THRAP3: variants seen among roughly 807,000 people sequenced by gnomAD.
THRAP3 encodes the protein thyroid hormone receptor-associated protein 3.
In THRAP3, 16 loss-of-function variants were observed where a neutral mutation model predicts 101.0. That is an observed-to-expected ratio of 0.16 (90% CI 0.11 to 0.24). THRAP3 has a LOEUF of 0.24. Among genes scored for constraint, THRAP3 ranks in the 10% least tolerant of loss-of-function variants. The pLI is 1.00. For missense variants in THRAP3, 989 were observed against 1,202.7 expected (o/e 0.82, Z 2.63); for synonymous variants, 407 against 422.6 (o/e 0.96, Z 0.45).
intron 4 of THRAP3, 77 bp downstream of exon 4, chr1:36,287,347 T>G: frequency 6.8e-7 from 1 of 1,459,928 alleles, no homozygotes; most frequent in Non-Finnish European, 9.1e-7. Context: ...TGATCTAAGT[T>G]AGAGCTCTGA....
At position 36,301,643 on chromosome 1, in the gene THRAP3, C is replaced by T. The variant is rs746386165; in HGVS notation, c.2593C>T (p.Arg865Trp). The T allele has an allele frequency of 2.0e-5, 33 of 1,613,924 alleles. No individual in the cohort carries two copies. The highest frequency in any genetic ancestry group is 3.3e-4 in the Middle Eastern group (2 of 6,084). Residue 865 changes from arginine (R) to tryptophan (W), a missense_variant, in exon 11 of 12, where the codon CGG (arginine) becomes TGG (tryptophan). Arg to Trp is a moderately radical substitution (Grantham distance 101, BLOSUM62 -3). Coordinates refer to ENST00000354618, the MANE Select transcript of THRAP3 (RefSeq NM_005119.4). ...CAACAACGATTTTCAAAAAAGAAAC[C>T]GGGAAGAGGAGTGGGACCCAGAGTA... ...NSNNDFQKRN[R>W]EEEWDPEYTP...
chr1:36,278,649 C>T (rs1451560154), intron 2 of THRAP3, among the ~76,000 whole-genome samples: 4 of 152,064 alleles, frequency 2.6e-5, no homozygotes, highest in African/African-American at 4.8e-5. Flanking sequence ...TTGTGCCAGG[C>T]GTGGTGGATC....
chr1:36,230,156 T>G (rs1179487813), intron 1 of THRAP3, among the ~76,000 whole-genome samples: 1 of 151,722 alleles, frequency 6.6e-6, no homozygotes, highest in Non-Finnish European at 1.5e-5. Context: ...AGTTTTGTTC[T>G]TGTCCAGGCT....
chr1:36,287,708 C>G, intron 4 of THRAP3: 2 of 985,422 alleles, frequency 2.0e-6, no homozygotes, highest in Non-Finnish European at 2.4e-6. Context: ...CCCTCAATAC[C>G]CTCCAGTTGA....
At chr1:36,208,642 C>G in the THRAP3 span, among the ~76,000 whole-genome samples, 1 of 152,130 alleles carries the variant, frequency 6.6e-6, no homozygotes, top group African/African-American at 2.4e-5. Flanking sequence ...TTCTTTTTGG[C>G]ATGTCCATGT....
chr1:36,301,481 C>T, intron 10 of THRAP3, 72 bp from the exon 11 acceptor site: 3 of 1,555,678 alleles, frequency 1.9e-6, no homozygotes, highest in Non-Finnish European at 1.7e-6. Flanking sequence ...AATGTTTGAA[C>T]AAAAAGCAGG....
At chr1:36,259,190 C>G (rs376425285) in intron 1 of THRAP3, among the ~76,000 whole-genome samples, 192 bp from the exon 2 acceptor site, 6 of 152,154 alleles carry the variant, frequency 3.9e-5, no homozygotes, top group African/African-American at 7.2e-5. Flanking sequence ...GCTTTCCATA[C>G]TGTAGGAGGT....
chr1:36,297,365 G>A (rs905910989), intron 9 of THRAP3, among the ~76,000 whole-genome samples: 2 of 151,710 alleles, frequency 1.3e-5, no homozygotes, highest in Admixed American at 6.6e-5. Context: ...CATGTGTCAC[G>A]AAAAGTAGCA....
intron 11 of THRAP3, among the ~76,000 whole-genome samples, chr1:36,302,759 ATTGT>A (rs1268129861): frequency 1.3e-5 from 2 of 152,122 alleles, no homozygotes; most frequent in African/African-American, 4.8e-5. Flanking sequence ...TTTCTCCTTC[ATTGT>A]TTGATTGGAT....
intron 1 of THRAP3, among the ~76,000 whole-genome samples, chr1:36,235,391 C>T (rs1557807027): frequency 6.6e-6 from 1 of 151,948 alleles, no homozygotes; most frequent in Non-Finnish European, 1.5e-5. Flanking sequence ...AACCCTCAAC[C>T]CCACAGCAGT....
chr1:36,210,193 C>T, the THRAP3 span, among the ~76,000 whole-genome samples: 5 of 151,200 alleles, frequency 3.3e-5, no homozygotes, highest in African/African-American at 9.7e-5. Flanking sequence ...AGTGAAATCC[C>T]GTCTGTACTA....
At chr1:36,264,577 T>C (rs1344320287) in intron 2 of THRAP3, among the ~76,000 whole-genome samples, 1 of 152,216 alleles carries the variant, frequency 6.6e-6, no homozygotes, top group Non-Finnish European at 1.5e-5. Context: ...CCCACCTTAG[T>C]GCCCCTCTTG....
intron 1 of THRAP3, among the ~76,000 whole-genome samples, chr1:36,240,525 G>A (rs1052378984): frequency 6.6e-6 from 1 of 152,258 alleles, no homozygotes; most frequent in East Asian, 1.9e-4. Context: ...GAGTCCAGCT[G>A]GACATGTGGG....
At chr1:36,263,407 C>G (rs906545794) in intron 2 of THRAP3, among the ~76,000 whole-genome samples, 4 of 152,028 alleles carry the variant, frequency 2.6e-5, no homozygotes, top group African/African-American at 9.7e-5. Flanking sequence ...GACAATAATT[C>G]CATTTTTAAA....
At chr1:36,267,454 T>C (rs928326707) in intron 2 of THRAP3, among the ~76,000 whole-genome samples, 2 of 152,172 alleles carry the variant, frequency 1.3e-5, no homozygotes, top group East Asian at 3.8e-4. Flanking sequence ...AATAAGAGTT[T>C]GTGGTTTATT....
intron 1 of THRAP3, among the ~76,000 whole-genome samples, chr1:36,258,059 T>G (rs1645398366): frequency 1.3e-5 from 2 of 152,246 alleles, no homozygotes; most frequent in African/African-American, 4.8e-5. Flanking sequence ...CAGGCTGGTC[T>G]TGAACTCTGG....
chr1:36,248,691 A>C (rs1049682466), intron 1 of THRAP3, among the ~76,000 whole-genome samples: 2 of 151,554 alleles, frequency 1.3e-5, no homozygotes, highest in Non-Finnish European at 2.9e-5. Context: ...TAGTTGTGCT[A>C]GTTTCAGTAA....
chr1:36,275,921 G>T (rs1331284768), intron 2 of THRAP3, among the ~76,000 whole-genome samples: 1 of 151,952 alleles, frequency 6.6e-6, no homozygotes, highest in Non-Finnish European at 1.5e-5. Context: ...CAGGAGACTG[G>T]GGTGGGCGGA....
intron 1 of THRAP3, among the ~76,000 whole-genome samples, chr1:36,240,826 TA>T (rs776222580): frequency 6.6e-6 from 1 of 152,228 alleles, no homozygotes; most frequent in Non-Finnish European, 1.5e-5. Context: ...ATATTTATTT[TA>T]CCTGCTACTT....
Sources: allele counts gnomAD v4.1 joint callset (sites outside exome capture counted in the v4.1 genomes callset), GRCh38; gene constraint gnomAD v4.1.1; transcripts MANE v1.5; gene names NCBI Gene and HGNC (gene_info 2026-07-23, HGNC 2026-07-21).